MYRFL: variants seen among roughly 807,000 people sequenced by gnomAD.
The protein encoded by MYRFL is myelin regulatory factor like, also known as myelin regulatory factor-like protein.
A neutral mutation model predicts 109.4 loss-of-function variants in MYRFL; 88 were observed. The observed-to-expected ratio is 0.80, with a 90% confidence interval of 0.68 to 0.96. The LOEUF (loss-of-function observed/expected upper bound fraction) is 0.96, where lower values mean the gene tolerates loss of function less well. Ranked by LOEUF, MYRFL falls within the 40% of genes least tolerant of loss-of-function variation. The pLI is 0.00. For synonymous variants in MYRFL, 324 were observed against 320.9 expected, an observed-to-expected ratio of 1.01 and a Z score of -0.10; for missense variants, 957 against 954.9, an observed-to-expected ratio of 1.00 and a Z score of -0.03.
At position 69,879,497 on chromosome 12, in the gene MYRFL, C is replaced by T. The variant is rs75045247; in HGVS notation, c.464+44C>T. ...AGTTATCAAAGACCTTTGCGGAAAGCCTCGGAGCAGCCTGCCTCTGGCAGG... is the reference window on the plus strand; with the variant it reads ...AGTTATCAAAGACCTTTGCGGAAAGTCTCGGAGCAGCCTGCCTCTGGCAGG... On this transcript the variant is annotated intron_variant, in intron 4 of 24. Coordinates refer to ENST00000552032, the MANE Select transcript of MYRFL (RefSeq NM_182530.3). 5,844 of 668,774 alleles carry T rather than the reference C, an allele frequency of 8.7e-3. 135 individuals are homozygous for T. The highest frequency in any genetic ancestry group is 0.051 in the East Asian group (1,878 of 37,020). 41.4% of individuals were successfully genotyped at this position (668,774 alleles called of 1,614,324 possible).
chr12:69,910,718 C>A, intron 12 of MYRFL, 103 bp from the exon 13 acceptor site: 1 of 702,268 alleles, frequency 1.4e-6, no homozygotes, highest in African/African-American at 1.8e-5. Context: ...AAAATTCCTT[C>A]TTTGCTGCAA....
At chr12:69,921,538 C>CAGA (rs1418316861) in intron 13 of MYRFL, among the ~76,000 whole-genome samples, 6 of 152,144 alleles carry the variant, frequency 3.9e-5, no homozygotes, top group African/African-American at 1.4e-4. Flanking sequence ...CAATGGGGGA[C>CAGA]AGAAGTCAGA....
intron 2 of MYRFL, among the ~76,000 whole-genome samples, chr12:69,868,966 G>A (rs1304445313): frequency 6.6e-6 from 1 of 151,848 alleles, no homozygotes; most frequent in Admixed American, 6.6e-5. Flanking sequence ...GCCCACATGT[G>A]CGTGCACACA....
intron 7 of MYRFL, among the ~76,000 whole-genome samples, 186 bp downstream of exon 7, chr12:69,891,352 G>C (rs1296947485): frequency 6.6e-6 from 1 of 152,154 alleles, no homozygotes; most frequent in Non-Finnish European, 1.5e-5. Context: ...TCATCAACTG[G>C]GGCAGCTTAA....
intron 13 of MYRFL, among the ~76,000 whole-genome samples, chr12:69,926,358 T>C (rs191832133): frequency 2.0e-5 from 3 of 152,320 alleles, no homozygotes; most frequent in African/African-American, 4.8e-5. Context: ...TTATTGGAAA[T>C]TGAACAGAAG....
rs1168380475 is a variant in MYRFL at position 69,879,278 on chromosome 12, C to T, written c.289C>T (p.Pro97Ser). The change falls in exon 4 of 25, where the codon CCC becomes TCC. Residue 97 changes from proline to serine, a missense_variant. Physicochemically the swap from Pro to Ser is moderately conservative, Grantham distance 74. Transcript: ENST00000552032. ...CCCCACAGCTGCTCCTGCGATGCCG[C>T]CCATGCACCCGCTGCAGAGCACCTC... ...LHPTAAPAMP[P>S]MHPLQSTSGM... 1.4e-6 allele frequency: 1 copy of T among 702,762 alleles called. No individual in the cohort carries two copies. Among genetic ancestry groups the T allele is most frequent in the African/African-American group, 1.7e-5 (1 of 57,252 alleles). 43.5% of individuals were successfully genotyped at this position (702,762 alleles called of 1,614,324 possible).
chr12:69,886,473 T>G (rs529743256), intron 5 of MYRFL, among the ~76,000 whole-genome samples: 31 of 152,286 alleles, frequency 2.0e-4, no homozygotes, highest in African/African-American at 7.5e-4. Context: ...TGCTGTACTT[T>G]GGTTGATTGA....
At chr12:69,940,752 A>G (rs56145307) in intron 19 of MYRFL, among the ~76,000 whole-genome samples, 31,324 of 140,012 alleles carry the variant, frequency 0.22, 3,707 homozygotes, top group East Asian at 0.43. Flanking sequence ...TTGGATAAAG[A>G]GTCAAGACCC....
intron 9 of MYRFL, among the ~76,000 whole-genome samples, chr12:69,896,752 C>G (rs10879033): frequency 0.32 from 48,394 of 152,038 alleles, 8,003 homozygotes; most frequent in African/African-American, 0.37. Flanking sequence ...AACAAAGGGA[C>G]CTTTAAGGTG....
chr12:69,898,335 G>C (rs928302279), intron 10 of MYRFL, among the ~76,000 whole-genome samples: 8 of 152,320 alleles, frequency 5.3e-5, no homozygotes, highest in African/African-American at 1.9e-4. Context: ...AGTGATGATA[G>C]AAATGAGGTA....
At chr12:69,901,449 GA>G (rs1376925329) in intron 10 of MYRFL, among the ~76,000 whole-genome samples, 5 of 152,142 alleles carry the variant, frequency 3.3e-5, no homozygotes, top group African/African-American at 9.7e-5. Flanking sequence ...AAAATAATGT[GA>G]ACATATTTTA....
chr12:69,957,979 A>C (rs1323870208), intron 23 of MYRFL, 37 bp downstream of exon 23: 2 of 1,511,198 alleles, frequency 1.3e-6, no homozygotes, highest in Admixed American at 4.0e-5. Flanking sequence ...CCGCTGAGAG[A>C]GGGATACATT....
intron 1 of MYRFL, among the ~76,000 whole-genome samples, chr12:69,829,598 A>T (rs1882495430): frequency 6.6e-6 from 1 of 152,172 alleles, no homozygotes; most frequent in Admixed American, 6.5e-5. Flanking sequence ...GCAAAAGACT[A>T]GTCCATTCAA....
intron 22 of MYRFL, among the ~76,000 whole-genome samples, chr12:69,956,145 AT>A (rs1956089702): frequency 1.3e-5 from 2 of 150,680 alleles, no homozygotes; most frequent in African/African-American, 4.9e-5. Context: ...CTTAGTTTAT[AT>A]TTTTGAGATT....
intron 5 of MYRFL, among the ~76,000 whole-genome samples, chr12:69,882,958 C>T (rs965028857): frequency 9.9e-5 from 15 of 152,132 alleles, no homozygotes; most frequent in African/African-American, 2.2e-4. Flanking sequence ...GATTATGAAA[C>T]GAGAATAATA....
intron 2 of MYRFL, among the ~76,000 whole-genome samples, chr12:69,871,451 C>CT (rs1885350677): frequency 1.3e-5 from 2 of 152,172 alleles, no homozygotes; most frequent in East Asian, 3.9e-4. Context: ...CCGGGATGGT[C>CT]TTGATTTCTT....
intron 1 of MYRFL, among the ~76,000 whole-genome samples, chr12:69,836,000 TG>T (rs746542692): frequency 5.9e-5 from 9 of 152,210 alleles, no homozygotes; most frequent in Non-Finnish European, 1.3e-4. Flanking sequence ...TTCTTTATCC[TG>T]GGTTCTTGCC....
intron 1 of MYRFL, among the ~76,000 whole-genome samples, chr12:69,838,174 C>T (rs1397924234): frequency 4.6e-5 from 7 of 152,144 alleles, no homozygotes; most frequent in Admixed American, 4.6e-4. Context: ...GAGCAGTTTT[C>T]TTGTCACATC....
chr12:69,832,902 G>A (rs1882716513), intron 1 of MYRFL, among the ~76,000 whole-genome samples: 3 of 151,434 alleles, frequency 2.0e-5, no homozygotes, highest in Non-Finnish European at 4.4e-5. Flanking sequence ...ATTCATGGAT[G>A]GTAGTACAAT....
Sources: gnomAD v4.1 joint callset for allele counts (sites outside exome capture counted in the v4.1 genomes callset) on GRCh38, gnomAD v4.1.1 for gene constraint, MANE v1.5 for transcripts, NCBI Gene and HGNC (gene_info 2026-07-23, HGNC 2026-07-21) for gene names.